Variants in PLCE1 observed in about 807,000 individuals in gnomAD.
PLCE1 encodes 1-phosphatidylinositol 4,5-bisphosphate phosphodiesterase epsilon-1.
A neutral mutation model predicts 242.8 loss-of-function variants in PLCE1; 119 were observed. That is an observed-to-expected ratio of 0.49 (90% CI 0.42 to 0.57). PLCE1 has a LOEUF of 0.57. Ranked by LOEUF, PLCE1 falls within the 20% of genes least tolerant of loss-of-function variation. The probability of loss-of-function intolerance (pLI) is 0.00; values close to 1 mark genes in which losing one functional copy is unlikely to be tolerated. For synonymous variants in PLCE1, 945 were observed against 1,017.4 expected (o/e 0.93, Z 1.35); for missense variants, 2,441 against 2,788.8 (o/e 0.88, Z 2.81).
At chr10:94,305,616 A>G (rs1589511111) in intron 25 of PLCE1, among the ~76,000 whole-genome samples, 2 of 152,352 alleles carry the variant, frequency 1.3e-5, no homozygotes, top group South Asian at 4.1e-4. Flanking sequence ...CTAAGACAGC[A>G]GGGCAGTAGC....
At chr10:94,042,648 T>A (rs530522076) in intron 2 of PLCE1, among the ~76,000 whole-genome samples, 1 of 152,322 alleles carries the variant, frequency 6.6e-6, no homozygotes, top group African/African-American at 2.4e-5. Context: ...AAATGGGAGA[T>A]GCAGGGAACA....
chr10:94,154,500 T>C (rs1329692247), intron 3 of PLCE1, among the ~76,000 whole-genome samples: 1 of 152,180 alleles, frequency 6.6e-6, no homozygotes, highest in East Asian at 1.9e-4. Context: ...CAAAGGACAC[T>C]ATCAACAGAG....
At chr10:94,003,616 C>T (rs2060975576) in intron 1 of PLCE1, among the ~76,000 whole-genome samples, 1 of 152,152 alleles carries the variant, frequency 6.6e-6, no homozygotes, top group East Asian at 1.9e-4. Context: ...TTTGCTGCTC[C>T]TGAGTGTGCA....
intron 3 of PLCE1, among the ~76,000 whole-genome samples, chr10:94,148,183 A>G (rs1205414538): frequency 1.3e-5 from 2 of 152,200 alleles, no homozygotes; most frequent in Non-Finnish European, 2.9e-5. Flanking sequence ...ATTAATGAAT[A>G]TAAAGTGATT....
chr10:94,218,719 G>GA (rs2049612936), intron 4 of PLCE1, among the ~76,000 whole-genome samples: 1 of 151,688 alleles, frequency 6.6e-6, no homozygotes. Flanking sequence ...ACTGTTTGTG[G>GA]AAAAAATAGG....
chr10:94,127,418 T>A (rs1423823916), intron 2 of PLCE1, among the ~76,000 whole-genome samples: 1 of 152,162 alleles, frequency 6.6e-6, no homozygotes, highest in Non-Finnish European at 1.5e-5. Flanking sequence ...TGGGCCATGG[T>A]CTTTCATCCT....
At chr10:94,002,640 T>A (rs1167615633) in intron 1 of PLCE1, among the ~76,000 whole-genome samples, 1 of 152,190 alleles carries the variant, frequency 6.6e-6, no homozygotes, top group African/African-American at 2.4e-5. Context: ...TTTTTGATTA[T>A]ATGCTGTTAT....
intron 2 of PLCE1, chr10:94,104,480 C>T (rs2045654640): frequency 6.6e-6 from 1 of 152,160 alleles, no homozygotes; most frequent in African/African-American, 2.4e-5. Context: ...AGAAACCTAA[C>T]TACAATAAGC....
chr10:94,215,041 A>G (rs1432344161), intron 4 of PLCE1, among the ~76,000 whole-genome samples: 1 of 152,174 alleles, frequency 6.6e-6, no homozygotes, highest in African/African-American at 2.4e-5. Context: ...CAATCATCTC[A>G]GGGAAAATGG....
chr10:94,166,579 GGTGTGTGTGT>G (rs56088035), intron 3 of PLCE1, among the ~76,000 whole-genome samples: 1 of 145,854 alleles, frequency 6.9e-6, no homozygotes, highest in Non-Finnish European at 1.5e-5. Context: ...AGAGAAAAAA[GGTGTGTGTGT>G]GTGTGTGTGT....
intron 4 of PLCE1, among the ~76,000 whole-genome samples, chr10:94,211,991 C>A (rs2049347811): frequency 1.3e-5 from 2 of 152,140 alleles, no homozygotes; most frequent in Admixed American, 6.5e-5. Context: ...GTCAAAAGAA[C>A]TTGAGAAATA....
chr10:94,191,938 A>G (rs1239667196), intron 4 of PLCE1, among the ~76,000 whole-genome samples: 1 of 152,244 alleles, frequency 6.6e-6, no homozygotes, highest in East Asian at 1.9e-4. Context: ...AGGATGACCT[A>G]CATCAAACCA....
At chr10:94,020,246 G>T (rs1462480786) in intron 1 of PLCE1, among the ~76,000 whole-genome samples, 1 of 152,050 alleles carries the variant, frequency 6.6e-6, no homozygotes, top group Non-Finnish European at 1.5e-5. Context: ...TTTCCCTTAT[G>T]ACTAATGATG....
At chr10:94,309,314 C>A (rs150343820) in intron 27 of PLCE1, among the ~76,000 whole-genome samples, 19 of 150,948 alleles carry the variant, frequency 1.3e-4, no homozygotes, top group African/African-American at 4.6e-4. Flanking sequence ...GTTGCAGAAT[C>A]TGCTTTTTTT....
chr10:94,092,587 T>A (rs558341300), intron 2 of PLCE1, among the ~76,000 whole-genome samples: 2 of 152,000 alleles, frequency 1.3e-5, no homozygotes, highest in South Asian at 4.2e-4. Flanking sequence ...AGGAGCATTC[T>A]ATAAGAAACT....
chr10:94,331,162 G>C lies in PLCE1; in HGVS notation c.*3219G>C, dbSNP rs756080534. On this transcript the variant is annotated 3_prime_UTR_variant, in exon 33 of 33. Transcript: ENST00000371380. ...CAGTTGGGAGTCAATATGAAGTCTA[G>C]ACTCAACAAAAGTTGAGTTACAAGT... The C allele has an allele frequency of 2.5e-4, 38 of 152,124 alleles. No homozygotes were observed. The highest frequency in any genetic ancestry group is 2.1e-4 in the Non-Finnish European group (14 of 68,002). 9.4% of individuals were successfully genotyped at this position (152,124 alleles called of 1,614,324 possible).
At chr10:94,295,392 ACTC>A (rs2052778110) in intron 23 of PLCE1, among the ~76,000 whole-genome samples, 1 of 152,004 alleles carries the variant, frequency 6.6e-6, no homozygotes, top group African/African-American at 2.4e-5. Context: ...TTAAGAAGCA[ACTC>A]CTCATCCATT....
intron 3 of PLCE1, among the ~76,000 whole-genome samples, chr10:94,141,626 GAA>G (rs1564727444): frequency 0.01 from 142 of 13,880 alleles, 1 homozygote; most frequent in Middle Eastern, 0.083. Context: ...AAGGAAGGCA[GAA>G]GGAGGAAAGA....
At chr10:94,090,542 G>C (rs1382490192) in intron 2 of PLCE1, among the ~76,000 whole-genome samples, 1 of 152,180 alleles carries the variant, frequency 6.6e-6, no homozygotes, top group South Asian at 2.1e-4. Context: ...CTTATGGAAG[G>C]TGCGGGGTGT....
Sources: gnomAD v4.1 joint callset for allele counts (sites outside exome capture counted in the v4.1 genomes callset) on GRCh38, gnomAD v4.1.1 for gene constraint, MANE v1.5 for transcripts, NCBI Gene and HGNC (gene_info 2026-07-23, HGNC 2026-07-21) for gene names.